Variants in RSRC1 observed in about 807,000 individuals in gnomAD.
RSRC1 encodes the protein arginine and serine rich coiled-coil 1.
In RSRC1, 39 loss-of-function variants were observed where a neutral mutation model predicts 49.1. The observed-to-expected ratio is 0.79, with a 90% CI of 0.61 to 1.04. The LOEUF is 1.04. Ranked by LOEUF, RSRC1 falls within the 50% of genes least tolerant of loss-of-function variation. The probability of loss-of-function intolerance (pLI) is 0.00; values close to 1 mark genes in which losing one functional copy is unlikely to be tolerated. For missense variants in RSRC1, 388 were observed against 402.4 expected (o/e 0.96, Z 0.31); for synonymous variants, 143 against 130.8 (o/e 1.09, Z -0.63).
chr3:158,238,250 C>T (rs1012644193), intron 4 of RSRC1, among the ~76,000 whole-genome samples: 2 of 152,166 alleles, frequency 1.3e-5, no homozygotes, highest in Non-Finnish European at 2.9e-5. Context: ...ATTCCATGCT[C>T]ATGGATAGAA....
intron 6 of RSRC1, among the ~76,000 whole-genome samples, chr3:158,420,559 A>T (rs1417303255): frequency 6.6e-6 from 1 of 151,932 alleles, no homozygotes; most frequent in Non-Finnish European, 1.5e-5. Context: ...AGATTTTCTC[A>T]TCTGTAAAAA....
In RSRC1 at chr3:158,428,313, T is replaced by C. The variant is rs1735576138; in HGVS notation, c.584-32622T>C. Among the ~76,000 whole-genome samples the C allele has an allele frequency of 2.6e-5, 4 of 151,942 alleles. No individual in the cohort carries two copies. In the South Asian group the frequency reaches 6.2e-4, roughly 24 times the overall value. Reference sequence around the variant, plus strand: ...GTTTGTTCAATACGGTAAGAAAAACTGAATAGAAAATAATTTTATCCTCAT... The same window carrying C: ...GTTTGTTCAATACGGTAAGAAAAACCGAATAGAAAATAATTTTATCCTCAT... On this transcript the variant is annotated intron_variant, in intron 6 of 9. Coordinates refer to ENST00000611884, the MANE Select transcript of RSRC1 (RefSeq NM_001271838.2).
chr3:158,315,194 G>A (rs1728359850), intron 5 of RSRC1, among the ~76,000 whole-genome samples: 1 of 152,112 alleles, frequency 6.6e-6, no homozygotes, highest in African/African-American at 2.4e-5. Flanking sequence ...TTGAATGGAT[G>A]GTTACATGGA....
chr3:158,154,254 C>T (rs1354949209), intron 3 of RSRC1, among the ~76,000 whole-genome samples: 1 of 152,168 alleles, frequency 6.6e-6, no homozygotes, highest in East Asian at 1.9e-4. Flanking sequence ...TCATTTGAGC[C>T]TTCGGTGAGT....
intron 3 of RSRC1, among the ~76,000 whole-genome samples, chr3:158,198,520 G>C (rs1720797966): frequency 6.6e-6 from 1 of 152,148 alleles, no homozygotes; most frequent in African/African-American, 2.4e-5. Context: ...GTGTGAATTT[G>C]ATCCTGTCAT....
intron 4 of RSRC1, among the ~76,000 whole-genome samples, chr3:158,284,038 C>A (rs187916602): frequency 0.023 from 3,435 of 150,472 alleles, 142 homozygotes; most frequent in African/African-American, 0.08. Context: ...CTATCCCTCC[C>A]CCCTTCCCCC....
intron 7 of RSRC1, among the ~76,000 whole-genome samples, chr3:158,514,929 A>C (rs2108479984): frequency 6.6e-6 from 1 of 152,182 alleles, no homozygotes; most frequent in East Asian, 1.9e-4. Flanking sequence ...ATCAGAGAGT[A>C]GGATTGCAAC....
intron 4 of RSRC1, among the ~76,000 whole-genome samples, chr3:158,275,124 C>T (rs1200139712): frequency 6.6e-6 from 1 of 152,164 alleles, no homozygotes; most frequent in Non-Finnish European, 1.5e-5. Flanking sequence ...TGCTAGCTTA[C>T]CAACCTTAAG....
chr3:158,185,995 T>G (rs1003121977), intron 3 of RSRC1, among the ~76,000 whole-genome samples: 1 of 152,026 alleles, frequency 6.6e-6, no homozygotes, highest in Non-Finnish European at 1.5e-5. Flanking sequence ...TATGTGTATC[T>G]GTTTTTTGTC....
intron 7 of RSRC1, among the ~76,000 whole-genome samples, chr3:158,483,559 T>G (rs1184506925): frequency 6.6e-6 from 1 of 152,048 alleles, no homozygotes; most frequent in Non-Finnish European, 1.5e-5. Context: ...CAGTCTGAGA[T>G]TTGTCTTTAA....
At chr3:158,537,789 C>G (rs1234748983) in intron 8 of RSRC1, among the ~76,000 whole-genome samples, 3 of 151,544 alleles carry the variant, frequency 2.0e-5, no homozygotes, top group Admixed American at 2.0e-4. Context: ...TAATAACATT[C>G]ATATAATGAA....
chr3:158,299,898 A>G (rs1918000), intron 5 of RSRC1, among the ~76,000 whole-genome samples: 33,089 of 152,108 alleles, frequency 0.22, 4,190 homozygotes, highest in Non-Finnish European at 0.29. Context: ...CCAGACTTCC[A>G]CTACTCACTT....
intron 6 of RSRC1, among the ~76,000 whole-genome samples, chr3:158,391,195 T>A: frequency 6.6e-6 from 1 of 152,174 alleles, no homozygotes; most frequent in Middle Eastern, 3.2e-3. Flanking sequence ...TCTTCCATAA[T>A]TTTTGGTTAT....
At chr3:158,291,851 G>A (rs1050699067) in intron 4 of RSRC1, among the ~76,000 whole-genome samples, 1 of 152,124 alleles carries the variant, frequency 6.6e-6, no homozygotes, top group East Asian at 1.9e-4. Flanking sequence ...GGTAAGACGA[G>A]ATCTAAAAAA....
intron 8 of RSRC1, among the ~76,000 whole-genome samples, chr3:158,541,103 T>C (rs1016226866): frequency 2.0e-5 from 3 of 152,186 alleles, no homozygotes; most frequent in Admixed American, 6.5e-5. Flanking sequence ...TTTTGCTCAC[T>C]ATACACCAGC....
At chr3:158,248,501 T>C (rs754395825) in intron 4 of RSRC1, among the ~76,000 whole-genome samples, 15 of 152,296 alleles carry the variant, frequency 9.8e-5, no homozygotes, top group Non-Finnish European at 1.9e-4. Context: ...TGACTATTAC[T>C]GGTAAAACTA....
In RSRC1 at chr3:158,273,590, G is replaced by A. The variant is rs75963648; in HGVS notation, c.495-24449G>A. ...TGAGGCCTATTTCCTGTAATACGAA[G>A]TCTAGCCATTCAGAACATGTATTAT... On this transcript the variant is annotated intron_variant, in intron 4 of 9. Coordinates refer to ENST00000611884, the MANE Select transcript of RSRC1 (RefSeq NM_001271838.2). Among the ~76,000 whole-genome samples the A allele has an allele frequency of 7.5e-3, 1,141 of 152,152 alleles. 13 individuals carry two copies. Among genetic ancestry groups the A allele is most frequent in the African/African-American group, 0.026 (1,084 of 41,538 alleles).
chr3:158,504,232 C>T (rs904828136), intron 7 of RSRC1, among the ~76,000 whole-genome samples: 14 of 152,188 alleles, frequency 9.2e-5, no homozygotes, highest in Non-Finnish European at 2.1e-4. Context: ...GGGATGTCTC[C>T]CAGGTCCTGC....
intron 6 of RSRC1, among the ~76,000 whole-genome samples, chr3:158,406,455 G>A (rs561826527): frequency 1.3e-5 from 2 of 152,024 alleles, no homozygotes; most frequent in Non-Finnish European, 2.9e-5. Flanking sequence ...AAATTCTTAA[G>A]GTAATTGGTA....
Sources: allele counts gnomAD v4.1 joint callset (sites outside exome capture counted in the v4.1 genomes callset), GRCh38; gene constraint gnomAD v4.1.1; transcripts MANE v1.5; gene names NCBI Gene and HGNC (gene_info 2026-07-23, HGNC 2026-07-21).